CNTN4: variants seen among roughly 807,000 people sequenced by gnomAD.
The protein encoded by CNTN4 is contactin 4, also known as contactin-4.
Under a neutral mutation model 122.5 loss-of-function variants are expected in CNTN4, and 77 were observed. That is an observed-to-expected ratio of 0.63 (90% confidence interval 0.52 to 0.76). The LOEUF (loss-of-function observed/expected upper bound fraction) is 0.76. Among genes scored for constraint, CNTN4 ranks in the 30% least tolerant of loss-of-function variants. The pLI, the probability that CNTN4 is intolerant of heterozygous loss-of-function variation, is 0.00. For synonymous variants in CNTN4, 512 were observed against 447.0 expected, an observed-to-expected ratio of 1.15 and a Z score of -1.83; for missense variants, 1,256 against 1,259.1, an observed-to-expected ratio of 1.00 and a Z score of 0.04.
intron 3 of CNTN4, among the ~76,000 whole-genome samples, chr3:2,509,025 T>G (rs1374509051): frequency 1.3e-5 from 2 of 152,200 alleles, no homozygotes; most frequent in African/African-American, 2.4e-5. Context: ...GATGGCAAAG[T>G]GAATCTATTA....
chr3:2,763,774 T>G (rs1015210771), intron 6 of CNTN4, among the ~76,000 whole-genome samples: 2 of 152,156 alleles, frequency 1.3e-5, no homozygotes, highest in African/African-American at 4.8e-5. Flanking sequence ...TCAGGTTTGT[T>G]GAAGGTGAGA....
At chr3:2,404,560 T>C (rs2046965671) in intron 3 of CNTN4, among the ~76,000 whole-genome samples, 2 of 152,174 alleles carry the variant, frequency 1.3e-5, no homozygotes, top group South Asian at 4.1e-4. Flanking sequence ...CACATATTTC[T>C]GAAGGAGGCT....
At chr3:2,586,626 G>A (rs549892472) in intron 4 of CNTN4, among the ~76,000 whole-genome samples, 19 of 152,104 alleles carry the variant, frequency 1.2e-4, no homozygotes, top group South Asian at 4.1e-4. Context: ...GTCCCTGTGC[G>A]GAAACTCAAA....
chr3:2,443,258 T>C (rs2048504364), intron 3 of CNTN4, among the ~76,000 whole-genome samples: 1 of 152,150 alleles, frequency 6.6e-6, no homozygotes, highest in Admixed American at 6.6e-5. Flanking sequence ...ACCTGTCCTT[T>C]CAACATAATT....
chr3:2,280,895 T>C (rs973277605), intron 2 of CNTN4, among the ~76,000 whole-genome samples: 1 of 152,184 alleles, frequency 6.6e-6, no homozygotes, highest in Admixed American at 6.5e-5. Context: ...CACGTCACAC[T>C]GGCATCAACC....
At position 2,299,435 on chromosome 3, in the gene CNTN4, G is replaced by T. The variant is rs545033421; in HGVS notation, c.-144-39743G>T. Reference sequence around the variant, plus strand: ...ACCCGTCACCCGAGTAGTGTACGTTGTACCTAATATGTAATTTTCTATCCC... The same window carrying T: ...ACCCGTCACCCGAGTAGTGTACGTTTTACCTAATATGTAATTTTCTATCCC... On this transcript the variant is annotated intron_variant, in intron 2 of 24. Coordinates refer to ENST00000418658, the MANE Select transcript of CNTN4 (RefSeq NM_175607.3). Among the ~76,000 whole-genome samples the T allele has an allele frequency of 2.6e-4, 40 of 152,080 alleles. 1 individual carries two copies. In the South Asian group the frequency reaches 7.3e-3, roughly 28 times the overall value.
At chr3:2,571,249 A>T (rs2149490722) in intron 3 of CNTN4, 167 bp from the exon 4 acceptor site, 1 of 543,760 alleles carries the variant, frequency 1.8e-6, no homozygotes, top group Admixed American at 3.1e-5. Context: ...AGAAAAAAAT[A>T]GGAGTCTTAT....
intron 2 of CNTN4, among the ~76,000 whole-genome samples, chr3:2,102,020 T>C (rs2032007912): frequency 6.6e-6 from 1 of 152,226 alleles, no homozygotes; most frequent in Admixed American, 6.5e-5. Flanking sequence ...CTTGTTTTCC[T>C]CTCATGGACT....
intron 2 of CNTN4, among the ~76,000 whole-genome samples, chr3:2,200,757 C>A (rs2140362): frequency 0.045 from 6,811 of 152,154 alleles, 265 homozygotes; most frequent in African/African-American, 0.11. Context: ...CTTGTAGTTC[C>A]AAAGAATCTC....
intron 4 of CNTN4, among the ~76,000 whole-genome samples, chr3:2,612,324 T>C (rs1030039610): frequency 6.6e-6 from 1 of 152,124 alleles, no homozygotes; most frequent in Non-Finnish European, 1.5e-5. Context: ...CAAAATCATC[T>C]AACATAAAGC....
chr3:2,405,026 G>A (rs867425374), intron 3 of CNTN4, among the ~76,000 whole-genome samples: 1 of 152,124 alleles, frequency 6.6e-6, no homozygotes, highest in African/African-American at 2.4e-5. Context: ...TGTAAAGTAC[G>A]TCTGCTAGTT....
At chr3:2,794,547 A>G (rs1332599086) in intron 6 of CNTN4, among the ~76,000 whole-genome samples, 1 of 152,212 alleles carries the variant, frequency 6.6e-6, no homozygotes, top group Non-Finnish European at 1.5e-5. Flanking sequence ...AAGAAGAGTG[A>G]AAGTATCGAC....
intron 2 of CNTN4, among the ~76,000 whole-genome samples, chr3:2,318,541 G>A (rs886366070): frequency 2.2e-4 from 34 of 152,142 alleles, no homozygotes; most frequent in African/African-American, 8.2e-4. Flanking sequence ...TAACATGTGA[G>A]AGCTGCAGGT....
intron 3 of CNTN4, among the ~76,000 whole-genome samples, chr3:2,518,242 C>T (rs778013414): frequency 1.6e-4 from 24 of 152,128 alleles, no homozygotes; most frequent in South Asian, 8.3e-4. Flanking sequence ...TGTGCACACA[C>T]GCACATGCAC....
intron 13 of CNTN4, among the ~76,000 whole-genome samples, chr3:2,932,876 G>A (rs1298350535): frequency 2.0e-5 from 3 of 152,026 alleles, no homozygotes; most frequent in Non-Finnish European, 4.4e-5. Flanking sequence ...AGGCTGGAGG[G>A]CAGTGGCGCG....
At chr3:2,172,251 G>A (rs1028327660) in intron 2 of CNTN4, among the ~76,000 whole-genome samples, 4 of 152,100 alleles carry the variant, frequency 2.6e-5, no homozygotes, top group Admixed American at 1.3e-4. Flanking sequence ...GTCTTTTTCA[G>A]CAACTTAGAT....
intron 4 of CNTN4, among the ~76,000 whole-genome samples, chr3:2,650,141 G>T (rs1379371150): frequency 6.6e-6 from 1 of 150,422 alleles, no homozygotes; most frequent in Non-Finnish European, 1.5e-5. Flanking sequence ...CATGAAAAGA[G>T]GTCAAAATAT....
At chr3:2,536,537 A>G (rs75093955) in intron 3 of CNTN4, among the ~76,000 whole-genome samples, 2,374 of 152,182 alleles carry the variant, frequency 0.016, 30 homozygotes, top group Non-Finnish European at 0.023. Context: ...GTGAGGTCAT[A>G]TCAAAGTAGT....
At chr3:3,023,258 A>T (rs546073384) in intron 14 of CNTN4, among the ~76,000 whole-genome samples, 2 of 152,314 alleles carry the variant, frequency 1.3e-5, no homozygotes, top group East Asian at 3.9e-4. Context: ...GTATGTGTAC[A>T]GTGCATGACG....
Sources: gnomAD v4.1 joint callset for allele counts (sites outside exome capture counted in the v4.1 genomes callset) on GRCh38, gnomAD v4.1.1 for gene constraint, MANE v1.5 for transcripts, NCBI Gene and HGNC (gene_info 2026-07-23, HGNC 2026-07-21) for gene names.